The following GNG2 variants were observed in gnomAD, a reference collection of about 807,000 sequenced individuals.
The protein encoded by GNG2 is guanine nucleotide-binding protein G(I)/G(S)/G(O) subunit gamma-2.
GNG2 carries 5 observed loss-of-function variants against 5.5 expected under a neutral mutation model. The ratio of observed to expected loss-of-function variants is 0.91; its 90% CI spans 0.48 to 1.92. GNG2 has a LOEUF of 1.92. Ranked by LOEUF, GNG2 falls within the 30% of genes most tolerant of loss-of-function variation. GNG2 has a pLI of 0.01. For missense variants in GNG2, 55 were observed against 88.4 expected (o/e 0.62, Z 1.52); for synonymous variants, 28 against 32.0 (o/e 0.88, Z 0.42).
chr14:51,905,780 G>A (rs1166981307), intron 2 of GNG2, among the ~76,000 whole-genome samples: 1 of 152,190 alleles, frequency 6.6e-6, no homozygotes, highest in Non-Finnish European at 1.5e-5. Flanking sequence ...CCCCCATCCT[G>A]TTGTTATGAT....
chr14:51,936,619 C>T (rs915803395), intron 2 of GNG2, among the ~76,000 whole-genome samples: 1 of 151,184 alleles, frequency 6.6e-6, no homozygotes, highest in African/African-American at 2.4e-5. Flanking sequence ...GGCATGATCA[C>T]AGCTCATTGC....
chr14:51,846,540 A>G (rs756135129), intron 2 of GNG2, among the ~76,000 whole-genome samples: 8 of 152,242 alleles, frequency 5.3e-5, no homozygotes, highest in Non-Finnish European at 8.8e-5. Context: ...TTAGAACTAT[A>G]AAAAGAAGAA....
intron 1 of GNG2, among the ~76,000 whole-genome samples, chr14:51,868,280 T>C (rs1883056867): frequency 6.6e-6 from 1 of 152,100 alleles, no homozygotes; most frequent in Non-Finnish European, 1.5e-5. Flanking sequence ...CATAAACCAG[T>C]GGTTTTTAGG....
intron 3 of GNG2, among the ~76,000 whole-genome samples, chr14:51,955,020 C>CT (rs1367683152): frequency 2.6e-5 from 4 of 152,094 alleles, no homozygotes; most frequent in African/African-American, 9.7e-5. Context: ...TCATTGTAAG[C>CT]TGGAAAGATG....
At chr14:51,948,635 T>C (rs887781864) in intron 2 of GNG2, among the ~76,000 whole-genome samples, 1 of 152,228 alleles carries the variant, frequency 6.6e-6, no homozygotes. Flanking sequence ...CCTGTGAGGC[T>C]GCGATGATTG....
intron 2 of GNG2, among the ~76,000 whole-genome samples, chr14:51,846,948 G>A (rs1881644616): frequency 6.6e-6 from 1 of 152,266 alleles, no homozygotes; most frequent in Non-Finnish European, 1.5e-5. Context: ...TTTGTGTGGT[G>A]CAGCGGCTGG....
intron 1 of GNG2, among the ~76,000 whole-genome samples, chr14:51,873,054 C>CA (rs1469613782): frequency 6.6e-6 from 1 of 152,168 alleles, no homozygotes; most frequent in African/African-American, 2.4e-5. Flanking sequence ...CTCCAGTGTA[C>CA]AAACTCAAAT....
chr14:51,874,291 G>C (rs867432679), intron 1 of GNG2, among the ~76,000 whole-genome samples: 45 of 152,176 alleles, frequency 3.0e-4, no homozygotes, highest in Middle Eastern at 6.8e-3. Context: ...CGGGCGTGGT[G>C]GTGGGCGCCT....
chr14:51,888,245 T>C (rs1056697260), intron 2 of GNG2, among the ~76,000 whole-genome samples: 2 of 152,200 alleles, frequency 1.3e-5, no homozygotes, highest in Non-Finnish European at 2.9e-5. Context: ...TTCTATTGTA[T>C]TGGTATACCA....
At chr14:51,916,712 T>C (rs2140214890) in intron 2 of GNG2, among the ~76,000 whole-genome samples, 1 of 152,176 alleles carries the variant, frequency 6.6e-6, no homozygotes, top group South Asian at 2.1e-4. Context: ...TTGGTGTAGG[T>C]ATCCAGGGGT....
intron 2 of GNG2, among the ~76,000 whole-genome samples, chr14:51,911,633 T>TGC (rs1349991561): frequency 3.3e-5 from 5 of 150,848 alleles, no homozygotes; most frequent in South Asian, 2.1e-4. Flanking sequence ...AACCTCTAAC[T>TGC]CTTGGGCTCA....
At chr14:51,900,414 A>G (rs1029809703) in intron 2 of GNG2, among the ~76,000 whole-genome samples, 1 of 152,010 alleles carries the variant, frequency 6.6e-6, no homozygotes, top group African/African-American at 2.4e-5. Context: ...ACTGAATTAT[A>G]TATAATCAAT....
intron 2 of GNG2, among the ~76,000 whole-genome samples, chr14:51,932,097 A>C (rs1031296784): frequency 6.6e-6 from 1 of 151,956 alleles, no homozygotes; most frequent in Non-Finnish European, 1.5e-5. Flanking sequence ...AATAGAAAAA[A>C]TTAGCTGGGC....
rs1406572495 is a variant in GNG2 at position 51,862,989 on chromosome 14, T to TC, written c.-71+2199_-71+2200insC. On this transcript the variant is annotated intron_variant, in intron 1 of 3. Transcript: ENST00000556766. ...ACACAGAAATTTTAATTGTGCTTTT[T>TC]TTTTTTTTTTCTGCCATATGGCCAA... Among the ~76,000 whole-genome samples the TC allele has an allele frequency of 2.0e-5, 3 of 151,684 alleles. No homozygotes were observed. In the East Asian group the frequency reaches 5.8e-4, roughly 29 times the overall value.
At chr14:51,879,803 C>T (rs1442234446) in intron 2 of GNG2, among the ~76,000 whole-genome samples, 1 of 152,190 alleles carries the variant, frequency 6.6e-6, no homozygotes, top group Non-Finnish European at 1.5e-5. Context: ...ATCTCCTCAT[C>T]ACCAGGGCCT....
intron 2 of GNG2, chr14:51,841,614 C>T (rs1310390894): frequency 4.4e-6 from 3 of 685,496 alleles, no homozygotes; most frequent in East Asian, 5.4e-5. Context: ...TCAACAGAAC[C>T]ATTAAAAGGA....
At chr14:51,832,361 T>C (rs1023700445) in intron 2 of GNG2, among the ~76,000 whole-genome samples, 6 of 152,066 alleles carry the variant, frequency 3.9e-5, no homozygotes, top group African/African-American at 1.4e-4. Context: ...TGTATATATA[T>C]AGTCAGTGAA....
chr14:51,930,103 A>G (rs1270139870), intron 2 of GNG2, among the ~76,000 whole-genome samples: 1 of 152,226 alleles, frequency 6.6e-6, no homozygotes, highest in African/African-American at 2.4e-5. Flanking sequence ...AGCCAAGCAA[A>G]CGATGCCCTA....
At chr14:51,864,269 T>A (rs1049291113) in intron 1 of GNG2, among the ~76,000 whole-genome samples, 1 of 152,342 alleles carries the variant, frequency 6.6e-6, no homozygotes, top group East Asian at 1.9e-4. Flanking sequence ...TCACTAGTGA[T>A]GTTGAGCATC....
Sources: gnomAD v4.1 joint callset for allele counts (sites outside exome capture counted in the v4.1 genomes callset) on GRCh38, gnomAD v4.1.1 for gene constraint, MANE v1.5 for transcripts, NCBI Gene and HGNC (gene_info 2026-07-23, HGNC 2026-07-21) for gene names.